PARD3: variants seen among roughly 807,000 people sequenced by gnomAD.
The protein encoded by PARD3 is par-3 family cell polarity regulator, also known as partitioning defective 3 homolog.
A neutral mutation model predicts 155.4 loss-of-function variants in PARD3; 75 were observed. That is an observed-to-expected ratio of 0.48 (90% CI 0.40 to 0.58). The LOEUF is 0.58. Ranked by LOEUF, PARD3 falls within the 20% of genes least tolerant of loss-of-function variation. The pLI is 0.00. For synonymous variants in PARD3, 576 were observed against 610.5 expected (o/e 0.94, Z 0.83); for missense variants, 1,642 against 1,721.7 (o/e 0.95, Z 0.82).
rs111710951 is a variant in PARD3 at position 34,360,507 on chromosome 10, T to C, written c.1708-248A>G. Among the ~76,000 whole-genome samples the C allele has an allele frequency of 9.1e-3, 1,385 of 152,252 alleles. 20 individuals are homozygous for C. The highest frequency in any genetic ancestry group is 0.032 in the African/African-American group (1,315 of 41,540). On this transcript the variant is annotated intron_variant, in intron 12 of 24. Transcript: ENST00000374788. Reference sequence around the variant, plus strand: ...AAACTTAAATCAGATTTGAGAAAGATAGAGGGAAAATGTAGTGGAAGGACT... The same window carrying C: ...AAACTTAAATCAGATTTGAGAAAGACAGAGGGAAAATGTAGTGGAAGGACT...
intron 3 of PARD3, among the ~76,000 whole-genome samples, chr10:34,484,520 GTTGTTGTTGT>G (rs1172289686): frequency 6.6e-6 from 1 of 152,038 alleles, no homozygotes; most frequent in African/African-American, 2.4e-5. Flanking sequence ...CATAGTTTTT[GTTGTTGTTGT>G]TTGTTGTTGT....
At chr10:34,176,768 A>G (rs1199235756) in intron 22 of PARD3, among the ~76,000 whole-genome samples, 1 of 152,228 alleles carries the variant, frequency 6.6e-6, no homozygotes, top group Non-Finnish European at 1.5e-5. Flanking sequence ...TAGCTTGCAA[A>G]GGAGTAAGCA....
intron 5 of PARD3, among the ~76,000 whole-genome samples, chr10:34,448,150 TG>T (rs2076856709): frequency 6.6e-6 from 1 of 151,572 alleles, no homozygotes; most frequent in African/African-American, 2.4e-5. Context: ...TGTGTGTGTG[TG>T]TGTGTGTGTG....
chr10:34,164,271 T>C (rs1038696966), intron 22 of PARD3, among the ~76,000 whole-genome samples: 3 of 152,220 alleles, frequency 2.0e-5, no homozygotes, highest in African/African-American at 7.2e-5. Flanking sequence ...TGAACTTTAA[T>C]CAATGAACTG....
chr10:34,174,175 T>G (rs1334260568), intron 22 of PARD3, among the ~76,000 whole-genome samples: 1 of 152,154 alleles, frequency 6.6e-6, no homozygotes, highest in East Asian at 1.9e-4. Context: ...GAAACACACT[T>G]AGGTGCTCTA....
intron 1 of PARD3, among the ~76,000 whole-genome samples, chr10:34,775,213 T>C (rs1015476112): frequency 6.6e-6 from 1 of 152,176 alleles, no homozygotes; most frequent in Non-Finnish European, 1.5e-5. Context: ...TGAACCAAGA[T>C]TGACCACCAA....
intron 14 of PARD3, among the ~76,000 whole-genome samples, chr10:34,348,920 C>A (rs572431737): frequency 6.6e-6 from 1 of 152,266 alleles, no homozygotes; most frequent in East Asian, 1.9e-4. Flanking sequence ...CTAGCTGTGT[C>A]TAATAAGTCA....
In PARD3 at chr10:34,751,792, G is replaced by T. The variant is rs1279936255; in HGVS notation, c.121-55373C>A. Among the ~76,000 whole-genome samples the T allele has an allele frequency of 5.6e-5, 8 of 141,760 alleles. No homozygotes were observed. The South Asian group carries it at 9.3e-4, about 16-fold the overall frequency. 93.0% of individuals were successfully genotyped at this position (141,760 alleles called of 152,430 possible). On this transcript the variant is annotated intron_variant, in intron 1 of 24. Coordinates refer to ENST00000374788, the MANE Select transcript of PARD3 (RefSeq NM_001184785.2). ...CTAGCTTTTTTTTTTTTTTTTAATA[G>T]AGATGAGGTCTTGCTATGTTGCCCA...
At chr10:34,773,678 A>C (rs1195454951) in intron 1 of PARD3, among the ~76,000 whole-genome samples, 2 of 152,256 alleles carry the variant, frequency 1.3e-5, no homozygotes, top group East Asian at 3.9e-4. Flanking sequence ...TAATATTTTA[A>C]CTTTTGAGTC....
At chr10:34,631,125 T>C (rs2092249859) in intron 2 of PARD3, among the ~76,000 whole-genome samples, 2 of 152,140 alleles carry the variant, frequency 1.3e-5, no homozygotes, top group Non-Finnish European at 2.9e-5. Context: ...TAGATTTTTC[T>C]TTTCCAGTAT....
At chr10:34,308,708 G>A (rs910601799) in intron 20 of PARD3, among the ~76,000 whole-genome samples, 1 of 152,174 alleles carries the variant, frequency 6.6e-6, no homozygotes, top group African/African-American at 2.4e-5. Flanking sequence ...AGAGTTCCAA[G>A]AAAATGTCCA....
chr10:34,314,054 T>C (rs967388554), intron 20 of PARD3, among the ~76,000 whole-genome samples: 4 of 152,132 alleles, frequency 2.6e-5, no homozygotes, highest in African/African-American at 7.2e-5. Context: ...CTAAGAAATA[T>C]ATGTGCACAT....
chr10:34,774,283 G>A (rs192231281), intron 1 of PARD3, among the ~76,000 whole-genome samples: 4 of 152,254 alleles, frequency 2.6e-5, no homozygotes, highest in Admixed American at 6.5e-5. Context: ...CAAACTGCAC[G>A]GAGTCACCTT....
At chr10:34,270,407 T>G (rs1215007937) in intron 21 of PARD3, among the ~76,000 whole-genome samples, 1 of 152,110 alleles carries the variant, frequency 6.6e-6, no homozygotes, top group East Asian at 1.9e-4. Flanking sequence ...CCTCCCAAAG[T>G]GCTGGGATTA....
At chr10:34,544,107 T>C (rs544677221) in intron 2 of PARD3, among the ~76,000 whole-genome samples, 7 of 152,316 alleles carry the variant, frequency 4.6e-5, no homozygotes, top group African/African-American at 1.4e-4. Context: ...CACAGGGAGC[T>C]ATAAAATAAA....
intron 22 of PARD3, among the ~76,000 whole-genome samples, chr10:34,235,783 T>G (rs17553567): frequency 0.16 from 24,650 of 152,198 alleles, 2,656 homozygotes; most frequent in Middle Eastern, 0.31. Flanking sequence ...GGCTTTTGCA[T>G]GTCTTTTATA....
At chr10:34,441,640 G>A (rs2076467571) in intron 5 of PARD3, among the ~76,000 whole-genome samples, 1 of 152,106 alleles carries the variant, frequency 6.6e-6, no homozygotes. Context: ...GTCCTTCTAA[G>A]AAGAACGTCC....
intron 1 of PARD3, among the ~76,000 whole-genome samples, chr10:34,813,792 G>A (rs1269731773): frequency 1.3e-5 from 2 of 152,184 alleles, no homozygotes; most frequent in East Asian, 1.9e-4. Flanking sequence ...ACAGGGGCCA[G>A]GCCACTGTCG....
intron 22 of PARD3, among the ~76,000 whole-genome samples, chr10:34,240,490 T>C (rs534646855): frequency 6.6e-6 from 1 of 152,222 alleles, no homozygotes; most frequent in Non-Finnish European, 1.5e-5. Flanking sequence ...GATCATTCTA[T>C]TTTTGTATTC....
Sources: allele counts gnomAD v4.1 joint callset (sites outside exome capture counted in the v4.1 genomes callset), GRCh38; gene constraint gnomAD v4.1.1; transcripts MANE v1.5; gene names NCBI Gene and HGNC (gene_info 2026-07-23, HGNC 2026-07-21).